Variants in CACNA1A observed in about 807,000 individuals in gnomAD.
CACNA1A encodes the protein calcium voltage-gated channel subunit alpha1 A, also known as voltage-dependent P/Q-type calcium channel subunit alpha-1A.
CACNA1A carries 57 observed loss-of-function variants against 262.4 expected under a neutral mutation model. That is an observed-to-expected ratio of 0.22 (90% CI 0.18 to 0.27). The LOEUF (loss-of-function observed/expected upper bound fraction) is 0.27. Ranked by LOEUF, CACNA1A falls within the 10% of genes least tolerant of loss-of-function variation. The probability of loss-of-function intolerance (pLI) is 1.00; values close to 1 mark genes in which losing one functional copy is unlikely to be tolerated. For missense variants in CACNA1A, 2,526 were observed against 3,562.8 expected, an observed-to-expected ratio of 0.71 and a Z score of 7.41; for synonymous variants, 1,431 against 1,419.3, an observed-to-expected ratio of 1.01 and a Z score of -0.18.
intron 8 of CACNA1A, among the ~76,000 whole-genome samples, 170 bp from the exon 9 acceptor site, chr19:13,333,095 C>T (rs1021218353): frequency 1.4e-4 from 22 of 152,112 alleles, no homozygotes; most frequent in East Asian, 7.7e-4. Flanking sequence ...GCCCCACCTC[C>T]GCAACAGTAG....
At chr19:13,228,476 G>A in intron 36 of CACNA1A, 1 of 178,064 alleles carries the variant, frequency 5.6e-6, no homozygotes, top group Non-Finnish European at 1.1e-5. Context: ...GATGGCTGAA[G>A]GCTGAAGGGA....
At chr19:13,259,539 A>G in intron 27 of CACNA1A, 25 bp downstream of exon 27, 1 of 1,587,506 alleles carries the variant, frequency 6.3e-7, no homozygotes, top group Non-Finnish European at 8.6e-7. Flanking sequence ...CTCCTCCTGG[A>G]TAGATTTCCA....
chr19:13,395,134 C>T (rs981904956), intron 3 of CACNA1A, among the ~76,000 whole-genome samples: 1 of 151,094 alleles, frequency 6.6e-6, no homozygotes. Flanking sequence ...ATTAGCTGGG[C>T]ATGGTGGCGC....
rs2057399990 is a variant in CACNA1A, at chr19:13,286,382, T to G, written c.3553+121A>C. The stretch of plus-strand genomic sequence containing the variant: ...GGTAGGAAACTACGCCTATGCCCAT[T>G]TTCCAGGGGAGGAGACTGAGGCCAG... On this transcript the variant is annotated intron_variant, in intron 20 of 46. Coordinates refer to ENST00000360228, the MANE Select transcript of CACNA1A (RefSeq NM_001127222.2). The G allele has an allele frequency of 8.2e-6, 4 of 488,668 alleles. No individual in the cohort carries two copies. The South Asian group carries it at 1.6e-4, about 19-fold the overall frequency. The allele number at this position is 488,668 out of a possible 1,614,324, so 30.3% of individuals were successfully genotyped here.
intron 24 of CACNA1A, among the ~76,000 whole-genome samples, chr19:13,270,012 C>T (rs2056976539): frequency 6.6e-6 from 1 of 152,270 alleles, no homozygotes; most frequent in African/African-American, 2.4e-5. Context: ...ATTCCCTTCC[C>T]CTGGATCTCG....
At position 13,303,756 on chromosome 19, in the gene CACNA1A, A is replaced by AT; in HGVS notation, c.2104+10dup. The stretch of plus-strand genomic sequence containing the variant: ...CAGGCCTGTCCCCTTCTCTCTCTCC[A>AT]TGAAGGATACAGTTCCCAAAGAGCG... On this transcript the variant is annotated intron_variant, in intron 16 of 46. Coordinates refer to ENST00000360228, the MANE Select transcript of CACNA1A (RefSeq NM_001127222.2). 6.3e-7 allele frequency: 1 copy of AT among 1,595,662 alleles called. No individual in the cohort carries two copies. The highest frequency in any genetic ancestry group is 8.6e-7 in the Non-Finnish European group (1 of 1,163,538).
intron 1 of CACNA1A, among the ~76,000 whole-genome samples, chr19:13,471,181 G>C (rs2061341598): frequency 6.6e-6 from 1 of 152,128 alleles, no homozygotes; most frequent in Admixed American, 6.5e-5. Context: ...AATCCAGGAT[G>C]ACCTCATCTC....
At chr19:13,338,551 G>A (rs1415365139) in intron 6 of CACNA1A, among the ~76,000 whole-genome samples, 1 of 94,826 alleles carries the variant, frequency 1.1e-5, no homozygotes, top group Non-Finnish European at 2.3e-5. Context: ...GGAGAGAGAG[G>A]ATACATGCAA....
intron 1 of CACNA1A, among the ~76,000 whole-genome samples, chr19:13,456,477 C>A (rs534388780): frequency 1.3e-5 from 2 of 152,036 alleles, no homozygotes; most frequent in African/African-American, 4.8e-5. Flanking sequence ...TCGAGACCAT[C>A]CTGGCTAACA....
chr19:13,209,078 A>T, intron 45 of CACNA1A, 69 bp from the exon 46 acceptor site: 1 of 1,530,470 alleles, frequency 6.5e-7, no homozygotes, highest in East Asian at 2.5e-5. Flanking sequence ...ATGCACACAC[A>T]GGAGGCCACC....
chr19:13,209,269 C>T lies in CACNA1A; in HGVS notation c.6526+43G>A, dbSNP rs1016821238. The T allele has an allele frequency of 4.5e-5, 65 of 1,437,808 alleles. 2 individuals carry two copies. In the South Asian group the frequency reaches 9.2e-4, roughly 20 times the overall value. 89.1% of individuals were successfully genotyped at this position (1,437,808 alleles called of 1,614,324 possible). A position where few individuals can be genotyped will look rare whatever the true frequency, so the allele number is the denominator to read the frequency against. ...GCCCTGCCTTCTCCTCCCCTCTCCTCTCCTCTGTTCTGCTTGTCCCTGAGC... is the reference window on the plus strand; with the variant it reads ...GCCCTGCCTTCTCCTCCCCTCTCCTTTCCTCTGTTCTGCTTGTCCCTGAGC... On this transcript the variant is annotated intron_variant, in intron 45 of 46. Coordinates refer to ENST00000360228, the MANE Select transcript of CACNA1A (RefSeq NM_001127222.2).
intron 17 of CACNA1A, among the ~76,000 whole-genome samples, chr19:13,302,144 A>C (rs938711709): frequency 6.6e-6 from 1 of 152,134 alleles, no homozygotes; most frequent in Non-Finnish European, 1.5e-5. Flanking sequence ...TCCACAACTT[A>C]CTGCTGTGTG....
intron 7 of CACNA1A, among the ~76,000 whole-genome samples, chr19:13,335,339 G>A (rs1309281677): frequency 6.6e-6 from 1 of 152,176 alleles, no homozygotes; most frequent in Non-Finnish European, 1.5e-5. Context: ...GAAGCCTCTG[G>A]TAAAGATGTC....
rs747839222 is a variant in CACNA1A, at chr19:13,245,276, G to A, written c.4867-11C>T. On this transcript the variant is annotated splice_polypyrimidine_tract_variant and intron_variant, in intron 30 of 46. Coordinates refer to ENST00000360228, the MANE Select transcript of CACNA1A (RefSeq NM_001127222.2). ...ATCGCGGAAATAATTCTAGAATGGG[G>A]ACCCACAAGACAGAGATGCCAACAG... 1 of 1,611,084 alleles carries A rather than the reference G, an allele frequency of 6.2e-7. No individual in the cohort carries two copies. The highest frequency in any genetic ancestry group is 8.5e-7 in the Non-Finnish European group (1 of 1,177,194).
At chr19:13,415,459 G>T (rs1261948046) in intron 3 of CACNA1A, among the ~76,000 whole-genome samples, 1 of 151,912 alleles carries the variant, frequency 6.6e-6, no homozygotes, top group Non-Finnish European at 1.5e-5. Flanking sequence ...AACTAGATGA[G>T]GCCAGGCGTG....
In CACNA1A at chr19:13,212,219, G is replaced by T. The variant is rs368480650; in HGVS notation, c.6190-3C>A. 126 of 1,612,890 alleles carry T rather than the reference G, an allele frequency of 7.8e-5. No homozygotes were observed. The highest frequency in any genetic ancestry group is 1.0e-4 in the Non-Finnish European group (122 of 1,179,052). On this transcript the variant is annotated splice_region_variant and splice_polypyrimidine_tract_variant and intron_variant, in intron 42 of 46. Coordinates refer to ENST00000360228, the MANE Select transcript of CACNA1A (RefSeq NM_001127222.2). The surrounding 1 kb of genome is among the most constrained non-coding windows in gnomAD (Gnocchi z 5.6). ...CCCATCTCTCGCATCTCCACGGACTGCGGAGCAGATGGCAAAGCCAGATGA... is the reference window on the plus strand; with the variant it reads ...CCCATCTCTCGCATCTCCACGGACTTCGGAGCAGATGGCAAAGCCAGATGA...
At chr19:13,309,403 T>C (rs2057971302) in intron 12 of CACNA1A, among the ~76,000 whole-genome samples, 1 of 151,668 alleles carries the variant, frequency 6.6e-6, no homozygotes, top group Non-Finnish European at 1.5e-5. Flanking sequence ...ATGTCAACAA[T>C]TAGGAGAAGG....
At chr19:13,232,547 T>C (rs1568444165) in intron 34 of CACNA1A, among the ~76,000 whole-genome samples, 1 of 150,396 alleles carries the variant, frequency 6.6e-6, no homozygotes. Context: ...CTGGCTAACA[T>C]GGTGAAACCC....
At chr19:13,305,659 G>A (rs1485074419) in intron 15 of CACNA1A, among the ~76,000 whole-genome samples, 1 of 152,136 alleles carries the variant, frequency 6.6e-6, no homozygotes, top group South Asian at 2.1e-4. Flanking sequence ...CCCTAGCTGT[G>A]ACAACCAACA....
Sources: allele counts gnomAD v4.1 joint callset (sites outside exome capture counted in the v4.1 genomes callset), GRCh38; gene constraint gnomAD v4.1.1; non-coding constraint Gnocchi (gnomAD v3.1); transcripts MANE v1.5; gene names NCBI Gene and HGNC (gene_info 2026-07-23, HGNC 2026-07-21).